The following NPHP4 variants were observed in gnomAD, a reference collection of about 807,000 sequenced individuals.
NPHP4 encodes nephrocystin 4, also known as nephrocystin-4.
A neutral mutation model predicts 155.8 loss-of-function variants in NPHP4; 151 were observed. The ratio of observed to expected loss-of-function variants is 0.97; its 90% confidence interval spans 0.85 to 1.11. The LOEUF is 1.11. NPHP4 is among the 50% of genes least tolerant of loss of function. NPHP4 has a pLI of 0.00. For missense variants in NPHP4, 1,956 were observed against 1,925.7 expected, an observed-to-expected ratio of 1.02 and a Z score of -0.29; for synonymous variants, 845 against 816.8, an observed-to-expected ratio of 1.03 and a Z score of -0.59.
At chr1:5,924,574 A>T (rs1172630774) in intron 11 of NPHP4, among the ~76,000 whole-genome samples, 3 of 152,210 alleles carry the variant, frequency 2.0e-5, no homozygotes, top group African/African-American at 7.2e-5. Context: ...GGATCAGCCC[A>T]TCAGAGTTTA....
intron 11 of NPHP4, among the ~76,000 whole-genome samples, chr1:5,915,400 G>T (rs1645421117): frequency 6.6e-6 from 1 of 152,250 alleles, no homozygotes; most frequent in Non-Finnish European, 1.5e-5. Flanking sequence ...TCAGTATCTA[G>T]TGGTACTCTA....
At chr1:5,865,050 C>G (rs1306899120) in intron 27 of NPHP4, 52 bp downstream of exon 27, 1 of 1,582,132 alleles carries the variant, frequency 6.3e-7, no homozygotes, top group Non-Finnish European at 8.7e-7. Flanking sequence ...CACTGCCCGT[C>G]TCCAGGCTGG....
At chr1:5,899,547 C>G (rs1168458929) in intron 16 of NPHP4, among the ~76,000 whole-genome samples, 4 of 152,218 alleles carry the variant, frequency 2.6e-5, no homozygotes, top group Non-Finnish European at 4.4e-5. Flanking sequence ...AGAGCCCCTT[C>G]CGGGCTGGGA....
intron 18 of NPHP4, 36 bp from the exon 19 acceptor site, chr1:5,880,275 C>A: frequency 6.2e-7 from 1 of 1,609,218 alleles, no homozygotes; most frequent in Non-Finnish European, 8.5e-7. Context: ...GACATGAACC[C>A]CAAATGAGAA....
intron 12 of NPHP4, 110 bp downstream of exon 12, chr1:5,909,042 G>T: frequency 1.1e-6 from 1 of 934,660 alleles, no homozygotes; most frequent in Non-Finnish European, 1.7e-6. Context: ...GCCCTCCCCA[G>T]CCACGCAGAA....
chr1:5,954,645 G>A (rs1160968690), intron 6 of NPHP4, among the ~76,000 whole-genome samples: 1 of 152,208 alleles, frequency 6.6e-6, no homozygotes. Flanking sequence ...ACACCCACAT[G>A]CAGAAGAATG....
In NPHP4 at chr1:5,905,382, G is replaced by T; in HGVS notation, c.1865C>A (p.Ala622Asp). The T allele has an allele frequency of 6.2e-7, 1 of 1,613,686 alleles. No individual in the cohort carries two copies. Among genetic ancestry groups the T allele is most frequent in the Non-Finnish European group, 8.5e-7 (1 of 1,179,580 alleles). ...AGGGTTAAACGTCACAGGTTCTGTA[G>T]CGCTGACAGCCTCGGCTGGCTGTTT... ...ANKQPAEAVS[A>D]TEPVTFNPQK... The change falls in exon 15 of 30, where the codon GCT (alanine) becomes GAT (aspartate). Residue 622 changes from alanine (A) to aspartate (D), a missense_variant. Transcript: ENST00000378156. The surrounding 1 kb of genome is among the most constrained non-coding windows in gnomAD (Gnocchi z 4.0).
chr1:5,899,098 C>T (rs1180075257), intron 16 of NPHP4, among the ~76,000 whole-genome samples: 7 of 152,280 alleles, frequency 4.6e-5, no homozygotes, highest in South Asian at 2.1e-4. Context: ...TGGAAGCTGG[C>T]GCAGCACGAG....
chr1:5,890,856 G>A lies in NPHP4; in HGVS notation c.2304+12C>T. On this transcript the variant is annotated intron_variant, in intron 17 of 29. Coordinates refer to ENST00000378156, the MANE Select transcript of NPHP4 (RefSeq NM_015102.5). The surrounding 1 kb of genome is among the most constrained non-coding windows in gnomAD (Gnocchi z 4.9). ...AGCACCCACTGTGCCTGTCCTTCCA[G>A]AGAGCCGCTACCTTCATCTGGACGG... The A allele has an allele frequency of 2.5e-6, 4 of 1,604,460 alleles. No homozygotes were observed. Among genetic ancestry groups the A allele is most frequent in the Non-Finnish European group, 3.4e-6 (4 of 1,173,846 alleles).
At chr1:5,960,083 C>T (rs796248603) in intron 6 of NPHP4, among the ~76,000 whole-genome samples, 32 of 152,326 alleles carry the variant, frequency 2.1e-4, no homozygotes, top group African/African-American at 6.7e-4. Context: ...TTTTCATGTT[C>T]TCTTTGCTCA....
At chr1:5,976,271 G>A (rs1653551725) in intron 3 of NPHP4, among the ~76,000 whole-genome samples, 1 of 152,098 alleles carries the variant, frequency 6.6e-6, no homozygotes, top group Admixed American at 6.5e-5. Context: ...TGGGTACACA[G>A]GATACTGACC....
In NPHP4 at chr1:5,952,839, G is replaced by GA; in HGVS notation, c.674-4dup. On this transcript the variant is annotated splice_region_variant and splice_polypyrimidine_tract_variant and intron_variant, in intron 6 of 29. Transcript: ENST00000378156. ...GCGAGGCTTTCGGAGAGCGTCGCCT[G>GA]AAACAGTGAGGGTGCGAAAAGGGTC... The GA allele has an allele frequency of 6.3e-7, 1 of 1,597,212 alleles. No individual in the cohort carries two copies. The highest frequency in any genetic ancestry group is 8.5e-7 in the Non-Finnish European group (1 of 1,172,040).
chr1:5,907,758 T>A (rs924178756), intron 12 of NPHP4, among the ~76,000 whole-genome samples: 1 of 152,228 alleles, frequency 6.6e-6, no homozygotes, highest in East Asian at 1.9e-4. Flanking sequence ...GCAAGTCAGC[T>A]AACCTCTTTT....
intron 1 of NPHP4, among the ~76,000 whole-genome samples, chr1:5,986,582 G>A (rs532013383): frequency 1.3e-5 from 2 of 152,312 alleles, no homozygotes; most frequent in Non-Finnish European, 2.9e-5. Flanking sequence ...ATTTATGAAA[G>A]CTGTACAATA....
chr1:5,897,541 C>T (rs12401883), intron 16 of NPHP4, among the ~76,000 whole-genome samples: 21,473 of 152,166 alleles, frequency 0.14, 1,957 homozygotes, highest in Non-Finnish European at 0.21. Context: ...TCAAGAACTA[C>T]GGGGGATAAA....
In NPHP4 at chr1:5,877,367, C is replaced by T. The variant is rs1642727678; in HGVS notation, c.2612-69G>A. On this transcript the variant is annotated intron_variant, in intron 19 of 29. Coordinates refer to ENST00000378156, the MANE Select transcript of NPHP4 (RefSeq NM_015102.5). Reference sequence around the variant, plus strand: ...TGCCTTCCAGGAGCAGACACCAGGGCAGGCCTCCCAGGACCACCTATATAG... The same window carrying T: ...TGCCTTCCAGGAGCAGACACCAGGGTAGGCCTCCCAGGACCACCTATATAG... 6.7e-6 allele frequency: 9 copies of T among 1,345,042 alleles called. No individual in the cohort carries two copies. The South Asian group carries it at 1.2e-4, about 18-fold the overall frequency. 83.3% of individuals were successfully genotyped at this position (1,345,042 alleles called of 1,614,324 possible). A position where few individuals can be genotyped will look rare whatever the true frequency, so the allele number is the denominator to read the frequency against.
chr1:5,918,081 C>T (rs1057097729), intron 11 of NPHP4, among the ~76,000 whole-genome samples: 6 of 151,994 alleles, frequency 3.9e-5, no homozygotes, highest in South Asian at 2.1e-4. Flanking sequence ...ATAGCAAATT[C>T]GACTAATACC....
At chr1:5,898,023 G>A (rs534351130) in intron 16 of NPHP4, among the ~76,000 whole-genome samples, 35 of 152,354 alleles carry the variant, frequency 2.3e-4, no homozygotes, top group South Asian at 6.2e-4. Context: ...GGAAGAGACG[G>A]CAAGGCTGTG....
At chr1:5,864,094 C>T in intron 28 of NPHP4, 61 bp from the exon 29 acceptor site, 12 of 1,572,374 alleles carry the variant, frequency 7.6e-6, no homozygotes, top group Non-Finnish European at 1.0e-5. Flanking sequence ...ACTGGCCCTT[C>T]CTCCAAGTAT....
Sources: gnomAD v4.1 joint callset for allele counts (sites outside exome capture counted in the v4.1 genomes callset) on GRCh38, gnomAD v4.1.1 for gene constraint, Gnocchi (gnomAD v3.1) non-coding constraint, MANE v1.5 for transcripts, NCBI Gene and HGNC (gene_info 2026-07-23, HGNC 2026-07-21) for gene names.